Variants in PRPF4 observed in about 807,000 individuals in gnomAD.
The protein encoded by PRPF4 is pre-mRNA splicing tri-snRNP complex factor PRPF4.
Under a neutral mutation model 72.2 loss-of-function variants are expected in PRPF4, and 14 were observed. The ratio of observed to expected loss-of-function variants is 0.19; its 90% CI spans 0.13 to 0.30. The LOEUF is 0.30. Ranked by LOEUF, PRPF4 falls within the 10% of genes least tolerant of loss-of-function variation. PRPF4 has a pLI of 1.00. For synonymous variants in PRPF4, 225 were observed against 232.2 expected, an observed-to-expected ratio of 0.97 and a Z score of 0.28; for missense variants, 478 against 653.9, an observed-to-expected ratio of 0.73 and a Z score of 2.93.
intron 9 of PRPF4, 93 bp from the exon 10 acceptor site, chr9:113,288,082 T>A: frequency 8.5e-7 from 1 of 1,181,610 alleles, no homozygotes; most frequent in East Asian, 2.6e-5. Flanking sequence ...GCCTCTCGTG[T>A]TGTACAGAAT....
Position 113,284,490 on chromosome 9 carries a change from C to T in PRPF4, c.749+101C>T, listed in dbSNP as rs551174348. ...ACGTCTATTTCTACGTCCTCTTTCT[C>T]TGCTTCTCATGATCACACCAAACTA... On this transcript the variant is annotated intron_variant, in intron 7 of 13. Coordinates refer to ENST00000374198, the MANE Select transcript of PRPF4 (RefSeq NM_001244926.2). The T allele has an allele frequency of 3.5e-4, 339 of 969,042 alleles. 2 individuals are homozygous for T. Among genetic ancestry groups the T allele is most frequent in the Admixed American group, 5.9e-4 (31 of 52,964 alleles). The allele number at this position is 969,042 out of a possible 1,614,324, so 60.0% of individuals were successfully genotyped here. A position where few individuals can be genotyped will look rare whatever the true frequency, so the allele number is the denominator to read the frequency against.
chr9:113,286,330 G>A (rs1427024691), intron 8 of PRPF4, 40 bp downstream of exon 8: 85 of 1,540,810 alleles, frequency 5.5e-5, no homozygotes, highest in Non-Finnish European at 7.5e-5. Flanking sequence ...CTTTTTCCCA[G>A]TGTGAACTCA....
intron 10 of PRPF4, among the ~76,000 whole-genome samples, 176 bp downstream of exon 10, chr9:113,288,440 C>CTTT (rs36114176): frequency 2.1e-5 from 3 of 144,218 alleles, no homozygotes. Context: ...GTATATTTGC[C>CTTT]TTTTTTTTTT....
intron 10 of PRPF4, among the ~76,000 whole-genome samples, chr9:113,288,857 T>C (rs532335933): frequency 1.3e-5 from 2 of 152,334 alleles, no homozygotes; most frequent in South Asian, 4.1e-4. Flanking sequence ...GTTCTGTAAG[T>C]TCAGGGAGGC....
chr9:113,279,449 C>T (rs577393423), intron 3 of PRPF4, among the ~76,000 whole-genome samples: 1 of 152,062 alleles, frequency 6.6e-6, no homozygotes, highest in African/African-American at 2.4e-5. Flanking sequence ...CTGCAGCCTC[C>T]GCCTCCCGGG....
intron 10 of PRPF4, among the ~76,000 whole-genome samples, chr9:113,288,860 A>G (rs1029033591): frequency 2.6e-5 from 4 of 152,246 alleles, no homozygotes; most frequent in Non-Finnish European, 5.9e-5. Flanking sequence ...CTGTAAGTTC[A>G]GGGAGGCTAG....
At chr9:113,284,994 C>T (rs1832392536) in intron 7 of PRPF4, among the ~76,000 whole-genome samples, 1 of 151,964 alleles carries the variant, frequency 6.6e-6, no homozygotes, top group African/African-American at 2.4e-5. Flanking sequence ...AGATTGAATA[C>T]ACAGGAGCTA....
intron 2 of PRPF4, among the ~76,000 whole-genome samples, chr9:113,277,565 T>C (rs1832147649): frequency 6.6e-6 from 1 of 152,112 alleles, no homozygotes; most frequent in South Asian, 2.1e-4. Context: ...TTTGTATTTT[T>C]AGTAGAGACT....
chr9:113,281,386 T>A (rs560851109), intron 3 of PRPF4, among the ~76,000 whole-genome samples: 11 of 152,346 alleles, frequency 7.2e-5, no homozygotes, highest in Admixed American at 5.9e-4. Flanking sequence ...GTTCCTTAAA[T>A]GAATCCTTTG....
chr9:113,277,417 ACT>A (rs1564241551), intron 2 of PRPF4, among the ~76,000 whole-genome samples: 1 of 150,796 alleles, frequency 6.6e-6, no homozygotes, highest in Middle Eastern at 3.5e-3. Context: ...ACAGGGTCTC[ACT>A]CTCTTGCCCA....
At chr9:113,281,376 G>A (rs1476684246) in intron 3 of PRPF4, among the ~76,000 whole-genome samples, 1 of 152,026 alleles carries the variant, frequency 6.6e-6, no homozygotes, top group Non-Finnish European at 1.5e-5. Context: ...TCATTATTAT[G>A]TTCCTTAAAT....
rs1291727128 is a variant in PRPF4, at chr9:113,275,690, G to A, written c.-54G>A. On this transcript the variant is annotated 5_prime_UTR_variant, in exon 1 of 14. Transcript: ENST00000374198. ...CCCTCTGCTGGGCGCGCGGTGGACG[G>A]TCTGAAAGGGAGTGTTCGGGTTTCG... is the stretch of plus-strand genomic sequence containing the variant. 8 of 1,593,584 alleles carry A rather than the reference G, an allele frequency of 5.0e-6. No individual in the cohort carries two copies. The highest frequency in any genetic ancestry group is 4.1e-5 in the African/African-American group (3 of 73,984).
At chr9:113,288,342 AT>A in intron 10 of PRPF4, 78 bp downstream of exon 10, 1 of 1,345,174 alleles carries the variant, frequency 7.4e-7, no homozygotes, top group Non-Finnish European at 1.0e-6. Context: ...TGCCAGGTAA[AT>A]TTTTAGAGCA....
chr9:113,292,265 A>G lies in PRPF4; in HGVS notation c.*605A>G, dbSNP rs1178132084. ...CCTTATAGCCTTCCTCACAGCACCC[A>G]GGATTGTGACTGACTCTGCATTTTT... On this transcript the variant is annotated 3_prime_UTR_variant, in exon 14 of 14. Coordinates refer to ENST00000374198, the MANE Select transcript of PRPF4 (RefSeq NM_001244926.2). The G allele has an allele frequency of 6.6e-6, 1 of 152,526 alleles. No individual in the cohort carries two copies. The highest frequency in any genetic ancestry group is 2.4e-5 in the African/African-American group (1 of 41,444). The allele number at this position is 152,526 out of a possible 1,614,324, so 9.4% of individuals were successfully genotyped here.
chr9:113,278,015 G>T (rs1832164986), intron 2 of PRPF4, among the ~76,000 whole-genome samples: 1 of 152,186 alleles, frequency 6.6e-6, no homozygotes, highest in South Asian at 2.1e-4. Context: ...AAAGATCAAT[G>T]TATAAATGTG....
In PRPF4 at chr9:113,290,959, C is replaced by T. The variant is rs1832592218; in HGVS notation, c.1315C>T (p.Arg439Cys). 12 of 1,614,010 alleles carry T rather than the reference C, an allele frequency of 7.4e-6. No homozygotes were observed. The highest frequency in any genetic ancestry group is 1.3e-5 in the African/African-American group (1 of 74,912). Residue 439 changes from arginine to cysteine, a missense_variant, in exon 13 of 14, where the codon CGT (arginine) becomes TGT (cysteine). Physicochemically the swap from Arg to Cys is radical, Grantham distance 180. Coordinates refer to ENST00000374198, the MANE Select transcript of PRPF4 (RefSeq NM_001244926.2). ...CAAAGTGTGGGACCTCCGACAGCGG[C>T]GTTGCGTCTACACCATCCCTGCTCA... ...TCKVWDLRQR[R>C]CVYTIPAHQN...
Position 113,288,033 on chromosome 9 carries a change from T to G in PRPF4, c.933-142T>G, listed in dbSNP as rs540382246. 9.0e-6 allele frequency: 6 copies of G among 665,012 alleles called. No individual in the cohort carries two copies. In the South Asian group the frequency reaches 1.3e-4, roughly 14 times the overall value. 41.2% of individuals were successfully genotyped at this position (665,012 alleles called of 1,614,324 possible). A position where few individuals can be genotyped will look rare whatever the true frequency, so the allele number is the denominator to read the frequency against. On this transcript the variant is annotated intron_variant, in intron 9 of 13. Coordinates refer to ENST00000374198, the MANE Select transcript of PRPF4 (RefSeq NM_001244926.2). ...TTTGGTGCAGAATGACTATTTTGCT[T>G]ATTGGGCCAAAGTAGTTTACAAGTG...
intron 7 of PRPF4, among the ~76,000 whole-genome samples, chr9:113,285,021 T>G (rs1461779392): frequency 6.6e-6 from 1 of 152,082 alleles, no homozygotes; most frequent in Non-Finnish European, 1.5e-5. Context: ...TAGGCTGACC[T>G]TTAGATGGGT....
chr9:113,279,076 G>A lies in PRPF4; in HGVS notation c.337G>A (p.Ala113Thr). Residue 113 changes from alanine (A) to threonine (T), a missense_variant, in exon 3 of 14, where the codon GCC (alanine) becomes ACC (threonine). Ala to Thr is a moderately conservative substitution (Grantham distance 58). Transcript: ENST00000374198. ...DDSEVKACLR[A>T]LGEPITLFGE... ...CTCAGAGGTCAAAGCTTGCCTTAGA[G>A]CCTTGGGGGAACCCATCACACTTTT... is the stretch of plus-strand genomic sequence containing the variant. The A allele has an allele frequency of 6.2e-7, 1 of 1,614,236 alleles. No homozygotes were observed. Among genetic ancestry groups the A allele is most frequent in the Non-Finnish European group, 8.5e-7 (1 of 1,180,036 alleles).
Sources: allele counts gnomAD v4.1 joint callset (sites outside exome capture counted in the v4.1 genomes callset), GRCh38; gene constraint gnomAD v4.1.1; transcripts MANE v1.5; gene names NCBI Gene and HGNC (gene_info 2026-07-23, HGNC 2026-07-21).